Variants in AHRR observed in about 807,000 individuals in gnomAD.
AHRR encodes the protein aryl hydrocarbon receptor repressor, also known as ahR repressor.
AHRR carries 28 observed loss-of-function variants against 44.0 expected under a neutral mutation model. The observed-to-expected ratio is 0.64, with a 90% CI of 0.47 to 0.87. AHRR has a LOEUF of 0.87. Among genes scored for constraint, AHRR ranks in the 40% least tolerant of loss-of-function variants. The pLI is 0.00. For missense variants in AHRR, 990 were observed against 953.9 expected (o/e 1.04, Z -0.50); for synonymous variants, 434 against 407.0 (o/e 1.07, Z -0.80).
intron 3 of AHRR, among the ~76,000 whole-genome samples, chr5:363,924 G>C (rs986556930): frequency 1.3e-5 from 2 of 152,130 alleles, no homozygotes; most frequent in African/African-American, 4.8e-5. Flanking sequence ...TTGTCTTGGG[G>C]CCTCAGCTAA....
rs1359013806 is a variant in AHRR, at chr5:338,926, T to C, written c.-10-4967T>C. The stretch of plus-strand genomic sequence containing the variant: ...TATATTAGGTCTCTTGAAATACCTA[T>C]TTTATTTTTATTGGGGTGCTATTGT... On this transcript the variant is annotated intron_variant, in intron 1 of 10. Transcript: ENST00000684583. This position sits in a 1 kb window ranked among gnomAD's most constrained non-coding sequence, Gnocchi z 4.1. Among the ~76,000 whole-genome samples the C allele has an allele frequency of 6.6e-6, 1 of 152,192 alleles. No homozygotes were observed. Among genetic ancestry groups the C allele is most frequent in the East Asian group, 1.9e-4 (1 of 5,204 alleles).
chr5:374,654 A>G (rs1743714087), intron 3 of AHRR, among the ~76,000 whole-genome samples: 1 of 152,166 alleles, frequency 6.6e-6, no homozygotes, highest in Non-Finnish European at 1.5e-5. Context: ...GAGACCAGGG[A>G]GGGAGGGGAA....
Position 434,023 on chromosome 5 carries a change from C to G in AHRR, c.1283C>G (p.Pro428Arg). ...AAGAATGACCCGCCCTCCCTGCGCCCCATGCCCCGCGGCTCCTGCCTGCCC... is the reference window on the plus strand; with the variant it reads ...AAGAATGACCCGCCCTCCCTGCGCCGCATGCCCCGCGGCTCCTGCCTGCCC... ...PSKNDPPSLR[P>R]MPRGSCLPCP... is the part of the protein sequence containing the mutation. Residue 428 changes from proline to arginine, a missense_variant, in exon 11 of 11, where the codon CCC becomes CGC. Coordinates refer to ENST00000684583, the MANE Select transcript of AHRR (RefSeq NM_001377236.1). 1 of 1,598,092 alleles carries G rather than the reference C, an allele frequency of 6.3e-7. No individual in the cohort carries two copies. The highest frequency in any genetic ancestry group is 1.3e-5 in the African/African-American group (1 of 74,662).
chr5:377,648 C>T (rs1169146193), intron 4 of AHRR, among the ~76,000 whole-genome samples: 1 of 152,206 alleles, frequency 6.6e-6, no homozygotes, highest in African/African-American at 2.4e-5. Context: ...AACCCCCTGC[C>T]CCAGATCCTC....
intron 5 of AHRR, chr5:422,330 T>C (rs1174395982): frequency 6.6e-6 from 2 of 301,646 alleles, no homozygotes; most frequent in Non-Finnish European, 1.3e-5. Context: ...GGTTGAGGCC[T>C]GGGTGTCAGG....
chr5:435,057 T>G lies in AHRR; in HGVS notation c.*223T>G. 1 of 591,436 alleles carries G rather than the reference T, an allele frequency of 1.7e-6. No homozygotes were observed. Among genetic ancestry groups the G allele is most frequent in the Non-Finnish European group, 2.9e-6 (1 of 348,408 alleles). 36.6% of individuals were successfully genotyped at this position (591,436 alleles called of 1,614,324 possible). On this transcript the variant is annotated 3_prime_UTR_variant, in exon 11 of 11. Coordinates refer to ENST00000684583, the MANE Select transcript of AHRR (RefSeq NM_001377236.1). ...CTTAAATGAAAACTGGCCTTAAGTC[T>G]ATTCAAGCATGACAGCATTTCTCTT... is the stretch of plus-strand genomic sequence containing the variant.
chr5:424,059 AG>A, intron 7 of AHRR, 82 bp downstream of exon 7: 1 of 1,472,202 alleles, frequency 6.8e-7, no homozygotes, highest in Non-Finnish European at 9.1e-7. Context: ...AGAGGGCAAG[AG>A]GGGGTGGGGG....
chr5:376,511 C>A (rs528521673), intron 3 of AHRR, 99 bp from the exon 4 acceptor site: 9 of 1,287,400 alleles, frequency 7.0e-6, no homozygotes, highest in South Asian at 1.5e-5. Flanking sequence ...AGGTGAGAAC[C>A]GTGGGGTGAA....
At chr5:347,872 C>T (rs963515228) in intron 2 of AHRR, among the ~76,000 whole-genome samples, 4 of 152,242 alleles carry the variant, frequency 2.6e-5, no homozygotes, top group East Asian at 1.9e-4. Flanking sequence ...TCTGGCCATC[C>T]CAGCTGTGGC....
chr5:363,111 G>C (rs1743236763), intron 3 of AHRR, among the ~76,000 whole-genome samples: 1 of 152,248 alleles, frequency 6.6e-6, no homozygotes, highest in African/African-American at 2.4e-5. Context: ...AACCTCACCT[G>C]GTGCTGTGGC....
At chr5:330,028 ATTC>A (rs1285420407) in intron 1 of AHRR, among the ~76,000 whole-genome samples, 1 of 152,132 alleles carries the variant, frequency 6.6e-6, no homozygotes, top group African/African-American at 2.4e-5. Flanking sequence ...GAAAGTGGGC[ATTC>A]TTGTCATGTT....
intron 1 of AHRR, among the ~76,000 whole-genome samples, chr5:329,128 C>G (rs192194490): frequency 6.6e-6 from 1 of 152,204 alleles, no homozygotes; most frequent in Non-Finnish European, 1.5e-5. Flanking sequence ...CGCTGACACA[C>G]ACACCTCTGT....
chr5:389,921 GA>G (rs1734338535), intron 4 of AHRR, among the ~76,000 whole-genome samples: 1 of 115,696 alleles, frequency 8.6e-6, no homozygotes, highest in African/African-American at 3.2e-5. Flanking sequence ...GGAAGGGAGG[GA>G]GGGGGAGGGG....
In AHRR at chr5:339,154, G is replaced by T. The variant is rs143980748; in HGVS notation, c.-10-4739G>T. ...GACAGGGTCTTATTCTGTCACTCAG[G>T]CTGGAGTGCAGTGGTACAAACACAG... On this transcript the variant is annotated intron_variant, in intron 1 of 10. Coordinates refer to ENST00000684583, the MANE Select transcript of AHRR (RefSeq NM_001377236.1). 6.0e-4 allele frequency among the ~76,000 whole-genome samples: 91 copies of T among 152,228 alleles called. 2 individuals carry two copies. In the East Asian group the frequency reaches 0.017, roughly 29 times the overall value.
chr5:328,961 C>T (rs1316177772), intron 1 of AHRR, among the ~76,000 whole-genome samples: 2 of 152,144 alleles, frequency 1.3e-5, no homozygotes, highest in Admixed American at 6.6e-5. Context: ...TTTGTGTCCC[C>T]ACCCAAATCT....
intron 3 of AHRR, among the ~76,000 whole-genome samples, chr5:366,477 T>C (rs1743364963): frequency 6.6e-6 from 1 of 152,148 alleles, no homozygotes; most frequent in African/African-American, 2.4e-5. Flanking sequence ...ACAGGCTAAT[T>C]AATGGCTATA....
chr5:398,854 T>C (rs1263550301), intron 4 of AHRR, among the ~76,000 whole-genome samples: 1 of 152,088 alleles, frequency 6.6e-6, no homozygotes, highest in Non-Finnish European at 1.5e-5. Context: ...TGGCCCTGGC[T>C]CCAGCAGCCG....
At chr5:345,602 G>A (rs1192303432) in intron 2 of AHRR, among the ~76,000 whole-genome samples, 2 of 151,408 alleles carry the variant, frequency 1.3e-5, no homozygotes, top group Non-Finnish European at 2.9e-5. Context: ...GTGTGTCTGT[G>A]TGTGTGGGTG....
chr5:323,155 C>G (rs965823402), intron 1 of AHRR, among the ~76,000 whole-genome samples: 18 of 152,196 alleles, frequency 1.2e-4, no homozygotes, highest in African/African-American at 4.8e-5. Context: ...CTCCCCTGTC[C>G]CCCAATTACC....
Sources: allele counts gnomAD v4.1 joint callset (sites outside exome capture counted in the v4.1 genomes callset), GRCh38; gene constraint gnomAD v4.1.1; non-coding constraint Gnocchi (gnomAD v3.1); transcripts MANE v1.5; gene names NCBI Gene and HGNC (gene_info 2026-07-23, HGNC 2026-07-21).